The following OPCML variants were observed in gnomAD, a reference collection of about 807,000 sequenced individuals.
The protein encoded by OPCML is opioid-binding protein/cell adhesion molecule.
Under a neutral mutation model 37.8 loss-of-function variants are expected in OPCML, and 13 were observed. That is an observed-to-expected ratio of 0.34 (90% CI 0.22 to 0.55). OPCML has a LOEUF of 0.55. OPCML is among the 20% of genes least tolerant of loss of function. The probability of loss-of-function intolerance (pLI) is 0.91; values close to 1 mark genes in which losing one functional copy is unlikely to be tolerated. For synonymous variants in OPCML, 176 were observed against 168.8 expected, an observed-to-expected ratio of 1.04 and a Z score of -0.33; for missense variants, 341 against 435.6, an observed-to-expected ratio of 0.78 and a Z score of 1.93.
At chr11:132,823,440 C>G (rs1036253795) in intron 2 of OPCML, among the ~76,000 whole-genome samples, 1 of 152,126 alleles carries the variant, frequency 6.6e-6, no homozygotes, top group Non-Finnish European at 1.5e-5. Context: ...TTTTCCTGCA[C>G]CCTAGATTCC....
chr11:132,582,543 A>G (rs1240400356), intron 3 of OPCML, among the ~76,000 whole-genome samples: 3 of 152,178 alleles, frequency 2.0e-5, no homozygotes, highest in Non-Finnish European at 4.4e-5. Context: ...ATGATAACCT[A>G]TAGTAAGGCT....
At chr11:133,403,127 A>C (rs1334049606) in intron 1 of OPCML, among the ~76,000 whole-genome samples, 1 of 152,210 alleles carries the variant, frequency 6.6e-6, no homozygotes, top group Non-Finnish European at 1.5e-5. Flanking sequence ...ACTTAAGTAC[A>C]AATCTGGGTC....
chr11:133,008,492 G>C, intron 1 of OPCML: 1 of 893,584 alleles, frequency 1.1e-6, no homozygotes, highest in South Asian at 5.2e-5. Flanking sequence ...AGAGAAGAAC[G>C]TATTTCTCCA....
chr11:132,579,167 G>A (rs1442024360), intron 3 of OPCML, among the ~76,000 whole-genome samples: 1 of 152,050 alleles, frequency 6.6e-6, no homozygotes, highest in Admixed American at 6.6e-5. Context: ...TGACATCATG[G>A]GTGCTAGCAA....
At chr11:133,317,114 C>A (rs1171812381) in intron 1 of OPCML, among the ~76,000 whole-genome samples, 1 of 152,200 alleles carries the variant, frequency 6.6e-6, no homozygotes, top group African/African-American at 2.4e-5. Context: ...CCAAGAATCA[C>A]CTGAACCCAG....
At chr11:132,564,732 A>AT (rs1240449376) in intron 3 of OPCML, among the ~76,000 whole-genome samples, 6 of 152,164 alleles carry the variant, frequency 3.9e-5, no homozygotes, top group Non-Finnish European at 5.9e-5. Flanking sequence ...TTAAAAAAAA[A>AT]GCAGCAATTC....
At chr11:133,234,332 A>T (rs1940419844) in intron 1 of OPCML, among the ~76,000 whole-genome samples, 1 of 152,212 alleles carries the variant, frequency 6.6e-6, no homozygotes, top group Non-Finnish European at 1.5e-5. Context: ...AATGGCCCTA[A>T]AACCTTTTTG....
intron 1 of OPCML, among the ~76,000 whole-genome samples, chr11:133,515,809 A>G (rs1337818557): frequency 6.6e-6 from 1 of 151,778 alleles, no homozygotes; most frequent in Non-Finnish European, 1.5e-5. Context: ...CAGGGTCTCC[A>G]AGGGCTGGGG....
intron 4 of OPCML, among the ~76,000 whole-genome samples, chr11:132,446,033 G>A (rs1023146734): frequency 1.4e-5 from 2 of 146,688 alleles, no homozygotes; most frequent in African/African-American, 5.0e-5. Flanking sequence ...GTCAAACGAA[G>A]AGCATGAAGA....
chr11:132,783,980 A>G (rs552310902), intron 2 of OPCML, among the ~76,000 whole-genome samples: 1 of 152,342 alleles, frequency 6.6e-6, no homozygotes, highest in African/African-American at 2.4e-5. Flanking sequence ...TCCTGATTTA[A>G]TGATCAGATA....
At chr11:132,656,028 T>C (rs1315108305) in intron 3 of OPCML, among the ~76,000 whole-genome samples, 1 of 152,086 alleles carries the variant, frequency 6.6e-6, no homozygotes, top group African/African-American at 2.4e-5. Context: ...ATAGGGACCC[T>C]TTCTGAGAGC....
At chr11:133,170,464 C>T (rs1012896296) in intron 1 of OPCML, among the ~76,000 whole-genome samples, 4 of 151,392 alleles carry the variant, frequency 2.6e-5, no homozygotes, top group African/African-American at 4.8e-5. Flanking sequence ...CCAGCCTGGG[C>T]GACAGAGCGA....
intron 2 of OPCML, among the ~76,000 whole-genome samples, chr11:132,850,170 C>G (rs1435270895): frequency 6.6e-6 from 1 of 152,140 alleles, no homozygotes; most frequent in African/African-American, 2.4e-5. Flanking sequence ...CCTTACTAAA[C>G]AAAGTCCCTC....
intron 2 of OPCML, among the ~76,000 whole-genome samples, chr11:132,760,265 G>T (rs1946212344): frequency 6.6e-6 from 1 of 152,196 alleles, no homozygotes; most frequent in East Asian, 1.9e-4. Context: ...TGAGAAGAAT[G>T]TATATTCTGT....
chr11:132,548,477 G>A (rs185255273), intron 3 of OPCML, among the ~76,000 whole-genome samples: 23 of 152,232 alleles, frequency 1.5e-4, no homozygotes, highest in African/African-American at 5.3e-4. Context: ...GCTCACTTTC[G>A]TTCATCTGCT....
At chr11:132,666,267 T>C (rs1942211315) in intron 2 of OPCML, among the ~76,000 whole-genome samples, 2 of 151,968 alleles carry the variant, frequency 1.3e-5, no homozygotes, top group Non-Finnish European at 2.9e-5. Context: ...CTTCCAATCA[T>C]AGCAGAAGGG....
At position 133,532,448 on chromosome 11, in the gene OPCML, G is replaced by T; in HGVS notation, c.-124C>A. 3 of 1,187,236 alleles carry T rather than the reference G, an allele frequency of 2.5e-6. No individual in the cohort carries two copies. The highest frequency in any genetic ancestry group is 3.6e-6 in the Non-Finnish European group (3 of 825,222). The allele number at this position is 1,187,236 out of a possible 1,614,324, so 73.5% of individuals were successfully genotyped here. A position where few individuals can be genotyped will look rare whatever the true frequency, so the allele number is the denominator to read the frequency against. ...TCCAATGTTTGCAAAGGGAGGGAGA[G>T]AGCAGAAGAGAGAGAGAGCGCGCGA... On this transcript the variant is annotated 5_prime_UTR_variant, in exon 1 of 8. Coordinates refer to ENST00000524381, the MANE Select transcript of OPCML (RefSeq NM_001012393.5).
At chr11:133,156,325 T>G (rs1950061805) in intron 1 of OPCML, among the ~76,000 whole-genome samples, 1 of 152,206 alleles carries the variant, frequency 6.6e-6, no homozygotes, top group Non-Finnish European at 1.5e-5. Flanking sequence ...GAGGCACAGA[T>G]TTCTACGGGG....
intron 1 of OPCML, among the ~76,000 whole-genome samples, chr11:133,376,547 TAC>T (rs1388802100): frequency 1.3e-5 from 2 of 152,226 alleles, no homozygotes; most frequent in Non-Finnish European, 2.9e-5. Flanking sequence ...ATGTGTATTA[TAC>T]ATATACATTG....
Sources: allele counts gnomAD v4.1 joint callset (sites outside exome capture counted in the v4.1 genomes callset), GRCh38; gene constraint gnomAD v4.1.1; transcripts MANE v1.5; gene names NCBI Gene and HGNC (gene_info 2026-07-23, HGNC 2026-07-21).